The following NDUFAF8 variants were observed in gnomAD, a reference collection of about 807,000 sequenced individuals.
The protein encoded by NDUFAF8 is NADH:ubiquinone oxidoreductase complex assembly factor 8.
NDUFAF8 carries 9 observed loss-of-function variants against 9.9 expected under a neutral mutation model. The observed-to-expected ratio is 0.91, with a 90% confidence interval of 0.55 to 1.59. NDUFAF8 has a LOEUF of 1.59. NDUFAF8 is among the 40% of genes most tolerant of loss of function. NDUFAF8 has a pLI of 0.00. For synonymous variants in NDUFAF8, 63 were observed against 51.2 expected, an observed-to-expected ratio of 1.23 and a Z score of -0.98; for missense variants, 114 against 113.8, an observed-to-expected ratio of 1.00 and a Z score of -0.01.
rs2062814434 is a variant in NDUFAF8 at position 81,241,104 on chromosome 17, G to A, written c.*88G>A. ...CCTGGTGGCACATATCGAATGCCTA[G>A]GGCAGAAAGGAAGTGGGAATGGCGA... On this transcript the variant is annotated 3_prime_UTR_variant, in exon 3 of 3. Coordinates refer to ENST00000431388, the MANE Select transcript of NDUFAF8 (RefSeq NM_001086521.2). 1.3e-6 allele frequency: 2 copies of A among 1,507,384 alleles called. No individual in the cohort carries two copies. Among genetic ancestry groups the A allele is most frequent in the Non-Finnish European group, 8.9e-7 (1 of 1,122,472 alleles). The allele number at this position is 1,507,384 out of a possible 1,614,324, so 93.4% of individuals were successfully genotyped here. A position where few individuals can be genotyped will look rare whatever the true frequency, so the allele number is the denominator to read the frequency against.
In NDUFAF8 at chr17:81,239,394, G is replaced by C; in HGVS notation, c.31G>C (p.Val11Leu). 5 of 1,366,278 alleles carry C rather than the reference G, an allele frequency of 3.7e-6. No homozygotes were observed. The highest frequency in any genetic ancestry group is 4.7e-6 in the Non-Finnish European group (5 of 1,058,862). 84.6% of individuals were successfully genotyped at this position (1,366,278 alleles called of 1,614,324 possible). A position where few individuals can be genotyped will look rare whatever the true frequency, so the allele number is the denominator to read the frequency against. Residue 11 changes from valine (V) to leucine (L), a missense_variant, in exon 1 of 3, where the codon GTG (valine) becomes CTG (leucine). By Grantham distance (32) the Val-to-Leu change is conservative. Transcript: ENST00000431388. ...GGCTAACGGAGCGGTGTGGGGCCGC[G>C]TGCGAAGCCGCCTCCGCGCCTTCCC... The part of the protein sequence containing the change: MSANGAVWGR[V>L]RSRLRAFPER...
intron 2 of NDUFAF8, among the ~76,000 whole-genome samples, chr17:81,240,683 G>GAAAA (rs1567915909): frequency 7.0e-6 from 1 of 142,992 alleles, no homozygotes; most frequent in African/African-American, 2.8e-5. Flanking sequence ...AAAAAAAAAG[G>GAAAA]GGGGGGGCTC....
At chr17:81,239,955 T>A in intron 2 of NDUFAF8, 1 of 515,004 alleles carries the variant, frequency 1.9e-6, no homozygotes, top group East Asian at 3.7e-5. Context: ...TAAGCTTTCG[T>A]GTTAGCACTG....
At chr17:81,239,744 C>T in intron 2 of NDUFAF8, 66 bp downstream of exon 2, 1 of 1,447,682 alleles carries the variant, frequency 6.9e-7, no homozygotes, top group African/African-American at 1.4e-5. Flanking sequence ...CGGGCCCCGG[C>T]TTTCCTTTGC....
Position 81,239,778 on chromosome 17 carries a change from G to GC in NDUFAF8, c.195+101dup. 2.4e-6 allele frequency: 3 copies of GC among 1,257,200 alleles called. No individual in the cohort carries two copies. The East Asian group carries it at 7.9e-5, about 33-fold the overall frequency. 77.9% of individuals were successfully genotyped at this position (1,257,200 alleles called of 1,614,324 possible). On this transcript the variant is annotated intron_variant, in intron 2 of 2. Coordinates refer to ENST00000431388, the MANE Select transcript of NDUFAF8 (RefSeq NM_001086521.2). ...GCTTTCCCGTTGGTTCAAGGTTTGA[G>GC]CGCCTGCCGCGTGCTTTAGACGCCG...
intron 2 of NDUFAF8, chr17:81,240,517 GA>G (rs928402987): frequency 2.0e-4 from 31 of 151,722 alleles, no homozygotes; most frequent in South Asian, 7.7e-4. Flanking sequence ...CAAAAAAAAA[GA>G]AAAAAAAAAT....
rs1202312329 is a variant in NDUFAF8, at chr17:81,239,672, C to T, written c.189C>T (p.Ala63=). 2.6e-6 allele frequency: 4 copies of T among 1,538,664 alleles called. No homozygotes were observed. The highest frequency in any genetic ancestry group is 3.5e-6 in the Non-Finnish European group (4 of 1,146,482). ...TCGAGGCCCTGCGGAGCTGCTTCGC[C>T]GCTGCGGTAGGTGGGCGCGGGCCCC... The part of the protein sequence containing the change: ...REFEALRSCF[A]AAAKKTLEGG... The change falls in exon 2 of 3, where the codon GCC becomes GCT. Residue 63 remains alanine, a synonymous_variant. Transcript: ENST00000431388.
At chr17:81,239,782 C>G in intron 2 of NDUFAF8, 104 bp downstream of exon 2, 1 of 1,227,880 alleles carries the variant, frequency 8.1e-7, no homozygotes, top group Middle Eastern at 2.1e-4. Flanking sequence ...GTTTGAGCGC[C>G]TGCCGCGTGC....
intron 2 of NDUFAF8, chr17:81,240,159 C>CT (rs2146862996): frequency 5.3e-6 from 1 of 189,238 alleles, no homozygotes; most frequent in East Asian, 1.9e-4. Context: ...GCCCGTGGGG[C>CT]TTTAAGTCAT....
rs377540343 is a variant in NDUFAF8, at chr17:81,239,391, C to G, written c.28C>G (p.Arg10Gly). The change falls in exon 1 of 3, where the codon CGC becomes GGC. Residue 10 changes from arginine to glycine, a missense_variant. By Grantham distance (125) the Arg-to-Gly change is moderately radical. Coordinates refer to ENST00000431388, the MANE Select transcript of NDUFAF8 (RefSeq NM_001086521.2). MSANGAVWG[R>G]VRSRLRAFPE... ...GTCGGCTAACGGAGCGGTGTGGGGC[C>G]GCGTGCGAAGCCGCCTCCGCGCCTT... The G allele has an allele frequency of 8.0e-6, 11 of 1,367,958 alleles. No homozygotes were observed. Among genetic ancestry groups the G allele is most frequent in the Admixed American group, 8.0e-5 (2 of 25,018 alleles). 84.7% of individuals were successfully genotyped at this position (1,367,958 alleles called of 1,614,324 possible). A position where few individuals can be genotyped will look rare whatever the true frequency, so the allele number is the denominator to read the frequency against.
intron 2 of NDUFAF8, 78 bp from the exon 3 acceptor site, chr17:81,240,909 C>T (rs878899849): frequency 3.3e-6 from 5 of 1,518,116 alleles, no homozygotes; most frequent in Admixed American, 3.8e-5. Flanking sequence ...TAGAACACAA[C>T]GTGTGGTGTG....
At position 81,239,614 on chromosome 17, in the gene NDUFAF8, G is replaced by A; in HGVS notation, c.131G>A (p.Gly44Asp). The stretch of plus-strand genomic sequence containing the variant: ...GTGCAGGCCTCCACGGCCCCGGGCG[G>A]CCGCCTGAGTAAGGACTTCTGCGCG... The part of the protein sequence containing the change: ...RCVQASTAPG[G>D]RLSKDFCARE... Residue 44 changes from glycine to aspartate, a missense_variant, in exon 2 of 3, where the codon GGC (glycine) becomes GAC (aspartate). Coordinates refer to ENST00000431388, the MANE Select transcript of NDUFAF8 (RefSeq NM_001086521.2). 1 of 1,539,482 alleles carries A rather than the reference G, an allele frequency of 6.5e-7. No homozygotes were observed. Among genetic ancestry groups the A allele is most frequent in the East Asian group, 2.4e-5 (1 of 40,880 alleles).
In NDUFAF8 at chr17:81,241,220, G is replaced by T. The variant is rs991883940; in HGVS notation, c.*204G>T. ...GAATTGGTTTTCCAGCATTGTGTCCGTAAACCTGAGTTAGAATAAGATGTA... is the reference window on the plus strand; with the variant it reads ...GAATTGGTTTTCCAGCATTGTGTCCTTAAACCTGAGTTAGAATAAGATGTA... On this transcript the variant is annotated 3_prime_UTR_variant, in exon 3 of 3. Coordinates refer to ENST00000431388, the MANE Select transcript of NDUFAF8 (RefSeq NM_001086521.2). 4 of 1,347,810 alleles carry T rather than the reference G, an allele frequency of 3.0e-6. No individual in the cohort carries two copies. Among genetic ancestry groups the T allele is most frequent in the Non-Finnish European group, 3.8e-6 (4 of 1,040,874 alleles). 83.5% of individuals were successfully genotyped at this position (1,347,810 alleles called of 1,614,324 possible). A position where few individuals can be genotyped will look rare whatever the true frequency, so the allele number is the denominator to read the frequency against.
chr17:81,239,605 C>T lies in NDUFAF8; in HGVS notation c.122C>T (p.Ala41Val), dbSNP rs1255573750. ...GGCAGGTGCGTGCAGGCCTCCACGG[C>T]CCCGGGCGGCCGCCTGAGTAAGGAC... Reference protein sequence around the residue: ...AYGRCVQASTAPGGRLSKDFC... With the variant: ...AYGRCVQASTVPGGRLSKDFC... The change falls in exon 2 of 3, where the codon GCC becomes GTC. Residue 41 changes from alanine (A) to valine (V), a missense_variant. Transcript: ENST00000431388. The T allele has an allele frequency of 1.3e-6, 2 of 1,538,960 alleles. No individual in the cohort carries two copies. Among genetic ancestry groups the T allele is most frequent in the South Asian group, 2.4e-5 (2 of 83,912 alleles).
chr17:81,241,182 G>C lies in NDUFAF8; in HGVS notation c.*166G>C. 7.2e-7 allele frequency: 1 copy of C among 1,398,372 alleles called. No individual in the cohort carries two copies. Among genetic ancestry groups the C allele is most frequent in the Non-Finnish European group, 9.3e-7 (1 of 1,072,680 alleles). The allele number at this position is 1,398,372 out of a possible 1,614,324, so 86.6% of individuals were successfully genotyped here. On this transcript the variant is annotated 3_prime_UTR_variant, in exon 3 of 3. Coordinates refer to ENST00000431388, the MANE Select transcript of NDUFAF8 (RefSeq NM_001086521.2). ...CTGTTTTTTCTTAACAAGTTGAGGC[G>C]TGGGTAGAGCAGGAATTGGTTTTCC...
intron 2 of NDUFAF8, among the ~76,000 whole-genome samples, chr17:81,240,685 G>C (rs549388904): frequency 6.6e-6 from 1 of 151,464 alleles, no homozygotes. Flanking sequence ...AAAAAAAGGG[G>C]GGGGGCTCCT....
At chr17:81,239,772 GT>G in intron 2 of NDUFAF8, 94 bp downstream of exon 2, 2 of 1,317,864 alleles carry the variant, frequency 1.5e-6, no homozygotes, top group Non-Finnish European at 2.1e-6. Context: ...TTGGTTCAAG[GT>G]TTGAGCGCCT....
At position 81,241,045 on chromosome 17, in the gene NDUFAF8, C is replaced by T; in HGVS notation, c.*29C>T. 1 of 1,611,746 alleles carries T rather than the reference C, an allele frequency of 6.2e-7. No homozygotes were observed. The highest frequency in any genetic ancestry group is 8.5e-7 in the Non-Finnish European group (1 of 1,179,038). On this transcript the variant is annotated 3_prime_UTR_variant, in exon 3 of 3. Coordinates refer to ENST00000431388, the MANE Select transcript of NDUFAF8 (RefSeq NM_001086521.2). ...GGACTCTGAGCTTCACACCTGTCTGCTGCCATGGGTGCAGAGCCCTAGTCC... is the reference window on the plus strand; with the variant it reads ...GGACTCTGAGCTTCACACCTGTCTGTTGCCATGGGTGCAGAGCCCTAGTCC...
intron 2 of NDUFAF8, 51 bp downstream of exon 2, chr17:81,239,729 G>A: frequency 6.7e-7 from 1 of 1,499,282 alleles, no homozygotes; most frequent in South Asian, 1.2e-5. Context: ...CCCTCCAAGA[G>A]CCAGCGGGCC....
Sources: allele counts gnomAD v4.1 joint callset (sites outside exome capture counted in the v4.1 genomes callset), GRCh38; gene constraint gnomAD v4.1.1; transcripts MANE v1.5; gene names NCBI Gene and HGNC (gene_info 2026-07-23, HGNC 2026-07-21).